Variants in CEP112 observed in about 807,000 individuals in gnomAD.
The protein encoded by CEP112 is centrosomal protein of 112 kDa.
A neutral mutation model predicts 153.0 loss-of-function variants in CEP112; 127 were observed. The observed-to-expected ratio is 0.83, with a 90% CI of 0.72 to 0.96. The LOEUF (loss-of-function observed/expected upper bound fraction) is 0.96, where lower values mean the gene tolerates loss of function less well. Ranked by LOEUF, CEP112 falls within the 40% of genes least tolerant of loss-of-function variation. CEP112 has a pLI of 0.00. For missense variants in CEP112, 1,089 were observed against 1,101.2 expected (o/e 0.99, Z 0.16); for synonymous variants, 358 against 374.4 (o/e 0.96, Z 0.51).
At chr17:65,771,919 T>C (rs185438043) in intron 21 of CEP112, among the ~76,000 whole-genome samples, 1 of 151,516 alleles carries the variant, frequency 6.6e-6, no homozygotes, top group Admixed American at 6.6e-5. Flanking sequence ...TACTTGGGAG[T>C]TGGGAGGTGG....
intron 18 of CEP112, among the ~76,000 whole-genome samples, chr17:65,937,668 C>G (rs1445119607): frequency 1.1e-5 from 1 of 92,438 alleles, no homozygotes; most frequent in South Asian, 7.2e-4. Flanking sequence ...AGGTGAGGGG[C>G]GCCTCTGCCC....
intron 24 of CEP112, among the ~76,000 whole-genome samples, chr17:65,661,334 T>C (rs552072696): frequency 6.6e-6 from 1 of 152,332 alleles, no homozygotes; most frequent in South Asian, 2.1e-4. Context: ...GATTGACACT[T>C]AAGGGGTGTT....
At chr17:66,156,991 A>T (rs951218485) in intron 4 of CEP112, among the ~76,000 whole-genome samples, 1 of 152,216 alleles carries the variant, frequency 6.6e-6, no homozygotes, top group African/African-American at 2.4e-5. Context: ...CAACCTGGCA[A>T]GACAAACCAA....
chr17:65,906,067 T>G (rs1367758580), intron 19 of CEP112, among the ~76,000 whole-genome samples: 1 of 152,100 alleles, frequency 6.6e-6, no homozygotes, highest in East Asian at 1.9e-4. Context: ...TGTGGCACAT[T>G]TACACCATAC....
intron 17 of CEP112, among the ~76,000 whole-genome samples, chr17:65,986,792 G>A (rs1050572321): frequency 6.6e-6 from 1 of 152,158 alleles, no homozygotes; most frequent in Non-Finnish European, 1.5e-5. Flanking sequence ...TTCACTGGCA[G>A]CTGACCAATG....
chr17:66,142,206 G>T (rs541722493), intron 4 of CEP112, among the ~76,000 whole-genome samples: 37 of 152,102 alleles, frequency 2.4e-4, no homozygotes, highest in Non-Finnish European at 4.6e-4. Context: ...TCTTAAAATT[G>T]GGTTGTTTTG....
At chr17:65,785,910 G>A (rs1465609413) in intron 21 of CEP112, among the ~76,000 whole-genome samples, 1 of 152,006 alleles carries the variant, frequency 6.6e-6, no homozygotes, top group African/African-American at 2.4e-5. Context: ...AGCACTATTT[G>A]TTGAATTTCC....
chr17:65,970,706 A>G (rs1399179668), intron 17 of CEP112, among the ~76,000 whole-genome samples: 7 of 151,380 alleles, frequency 4.6e-5, no homozygotes, highest in Non-Finnish European at 7.4e-5. Flanking sequence ...TTACATGCAT[A>G]CACATGACAT....
At chr17:65,798,113 G>A (rs2055045567) in intron 21 of CEP112, among the ~76,000 whole-genome samples, 1 of 151,944 alleles carries the variant, frequency 6.6e-6, no homozygotes, top group South Asian at 2.1e-4. Context: ...GAATCCCACT[G>A]GTTTTCCATC....
Position 65,673,300 on chromosome 17 carries a change from G to A in CEP112, c.2697+15829C>T, listed in dbSNP as rs556831349. On this transcript the variant is annotated intron_variant, in intron 24 of 26. Coordinates refer to ENST00000535342, the MANE Select transcript of CEP112 (RefSeq NM_001199165.4). Reference sequence around the variant, plus strand: ...TCTTTAAAGTGGCAATGGCGCAATGGTTCTTAGGCTTCAAATCTCTCTAGC... The same window carrying A: ...TCTTTAAAGTGGCAATGGCGCAATGATTCTTAGGCTTCAAATCTCTCTAGC... Among the ~76,000 whole-genome samples, 11 of 152,198 alleles carry A rather than the reference G, an allele frequency of 7.2e-5. No individual in the cohort carries two copies. The East Asian group carries it at 2.1e-3, about 29-fold the overall frequency.
intron 22 of CEP112, among the ~76,000 whole-genome samples, chr17:65,744,549 C>T (rs2051332507): frequency 6.6e-6 from 1 of 152,172 alleles, no homozygotes; most frequent in African/African-American, 2.4e-5. Context: ...TTGGCCACTC[C>T]GTTATGTTTC....
intron 20 of CEP112, among the ~76,000 whole-genome samples, chr17:65,880,748 G>C (rs1044874678): frequency 6.6e-6 from 1 of 152,190 alleles, no homozygotes; most frequent in Non-Finnish European, 1.5e-5. Flanking sequence ...CCTCTGACCA[G>C]AGTATGGACA....
At chr17:65,853,478 C>G (rs2058032471) in intron 20 of CEP112, among the ~76,000 whole-genome samples, 1 of 152,100 alleles carries the variant, frequency 6.6e-6, no homozygotes, top group African/African-American at 2.4e-5. Context: ...TGTCTGTAAT[C>G]CCAGCACTTT....
intron 20 of CEP112, among the ~76,000 whole-genome samples, chr17:65,886,288 T>C (rs1445589220): frequency 6.6e-6 from 1 of 152,146 alleles, no homozygotes; most frequent in African/African-American, 2.4e-5. Flanking sequence ...GTCAGAGCCT[T>C]TGAAGATGTC....
At chr17:66,103,680 T>C (rs2068660360) in intron 6 of CEP112, among the ~76,000 whole-genome samples, 1 of 152,016 alleles carries the variant, frequency 6.6e-6, no homozygotes, top group Admixed American at 6.6e-5. Flanking sequence ...ATCAGGTGAG[T>C]GATCACAGTA....
Position 65,733,211 on chromosome 17 carries a change from G to C in CEP112, c.2607+9857C>G, listed in dbSNP as rs1028992028. On this transcript the variant is annotated intron_variant, in intron 23 of 26. Transcript: ENST00000535342. ...GGAGATGGAGAGAGATGGGGGAATG[G>C]CCAGGAAGTGGAGCAGTTAGGATAC... is the stretch of plus-strand genomic sequence containing the variant. Among the ~76,000 whole-genome samples, 4 of 152,126 alleles carry C rather than the reference G, an allele frequency of 2.6e-5. No individual in the cohort carries two copies. The East Asian group carries it at 7.7e-4, about 29-fold the overall frequency.
At chr17:65,975,152 G>C (rs112912614) in intron 17 of CEP112, among the ~76,000 whole-genome samples, 21 of 152,254 alleles carry the variant, frequency 1.4e-4, no homozygotes, top group African/African-American at 4.6e-4. Context: ...AGAACTCTTA[G>C]ACTCTAGTTA....
At chr17:66,076,861 A>G (rs1301460772) in intron 8 of CEP112, among the ~76,000 whole-genome samples, 2 of 152,178 alleles carry the variant, frequency 1.3e-5, no homozygotes, top group East Asian at 3.9e-4. Context: ...TGAGCAATTC[A>G]TAGTTCACAT....
At chr17:65,970,536 CAT>C (rs2062690055) in intron 17 of CEP112, among the ~76,000 whole-genome samples, 1 of 151,856 alleles carries the variant, frequency 6.6e-6, no homozygotes, top group East Asian at 2.0e-4. Flanking sequence ...ATGTATAACA[CAT>C]GAATATTACA....
Sources: allele counts gnomAD v4.1 joint callset (sites outside exome capture counted in the v4.1 genomes callset), GRCh38; gene constraint gnomAD v4.1.1; transcripts MANE v1.5; gene names NCBI Gene and HGNC (gene_info 2026-07-23, HGNC 2026-07-21).